Variants in IL26 observed in about 807,000 individuals in gnomAD.
IL26 encodes the protein interleukin 26.
A neutral mutation model predicts 21.7 loss-of-function variants in IL26; 23 were observed. The observed-to-expected ratio is 1.06, with a 90% CI of 0.76 to 1.50. The LOEUF is 1.50. Among genes scored for constraint, IL26 ranks in the 40% most tolerant of loss-of-function variants. The probability of loss-of-function intolerance (pLI) is 0.00; values close to 1 mark genes in which losing one functional copy is unlikely to be tolerated. For synonymous variants in IL26, 63 were observed against 67.8 expected (o/e 0.93, Z 0.34); for missense variants, 204 against 196.0 (o/e 1.04, Z -0.24).
intron 3 of IL26, among the ~76,000 whole-genome samples, chr12:68,206,664 G>A (rs1868552353): frequency 6.6e-6 from 1 of 152,184 alleles, no homozygotes; most frequent in African/African-American, 2.4e-5. Context: ...GACTGCATTT[G>A]CACAAAACAT....
chr12:68,207,680 T>C (rs1408639826), intron 3 of IL26, among the ~76,000 whole-genome samples: 1 of 152,196 alleles, frequency 6.6e-6, no homozygotes, highest in Non-Finnish European at 1.5e-5. Context: ...AGAAGCAGTT[T>C]CTACCAACCA....
intron 3 of IL26, among the ~76,000 whole-genome samples, chr12:68,206,160 A>C (rs1443045612): frequency 6.6e-6 from 1 of 152,210 alleles, no homozygotes; most frequent in Admixed American, 6.5e-5. Context: ...GCAGGAATTT[A>C]TTGTTTCAGG....
intron 3 of IL26, among the ~76,000 whole-genome samples, chr12:68,216,055 G>A (rs1868869253): frequency 6.6e-6 from 1 of 151,488 alleles, no homozygotes; most frequent in African/African-American, 2.4e-5. Flanking sequence ...CACTTTGGGA[G>A]GCTGAGGTGG....
At chr12:68,225,385 G>A (rs764112567) in intron 2 of IL26, 59 bp downstream of exon 2, 1 of 1,516,746 alleles carries the variant, frequency 6.6e-7, no homozygotes, top group Non-Finnish European at 9.0e-7. Flanking sequence ...TTTAAATGCA[G>A]GGGGAAATAA....
chr12:68,205,888 A>C (rs1470857686), intron 3 of IL26, among the ~76,000 whole-genome samples: 1 of 152,118 alleles, frequency 6.6e-6, no homozygotes, highest in African/African-American at 2.4e-5. Flanking sequence ...GTTTTCTGGG[A>C]TTGCTTCTTC....
intron 3 of IL26, among the ~76,000 whole-genome samples, chr12:68,224,775 GAGAA>G (rs1372791493): frequency 7.5e-6 from 1 of 133,912 alleles, no homozygotes; most frequent in South Asian, 2.4e-4. Context: ...GAGGAAGGGA[GAGAA>G]AGAGAGACTT....
At chr12:68,213,448 G>A (rs1217704281) in intron 3 of IL26, among the ~76,000 whole-genome samples, 5 of 151,902 alleles carry the variant, frequency 3.3e-5, no homozygotes, top group Admixed American at 3.3e-4. Context: ...GGGTAGAATT[G>A]GAATTAATTC....
chr12:68,202,137 C>T lies in IL26; in HGVS notation c.364-54G>A, dbSNP rs990810702. ...TATTGTTGAAGAGGCATTAATGATA[C>T]TCTTTCATTCATTCAACAAATATTT... is the stretch of plus-strand genomic sequence containing the variant. On this transcript the variant is annotated intron_variant, in intron 3 of 4. Coordinates refer to ENST00000229134, the MANE Select transcript of IL26 (RefSeq NM_018402.2). 1.2e-5 allele frequency: 13 copies of T among 1,117,418 alleles called. No individual in the cohort carries two copies. In the African/African-American group the frequency reaches 2.1e-4, roughly 18 times the overall value. The allele number at this position is 1,117,418 out of a possible 1,614,324, so 69.2% of individuals were successfully genotyped here.
intron 3 of IL26, among the ~76,000 whole-genome samples, chr12:68,223,563 G>T (rs1385809404): frequency 6.6e-6 from 1 of 152,172 alleles, no homozygotes. Flanking sequence ...GGATTTGGGG[G>T]TTCTGACCAG....
chr12:68,224,088 C>T (rs1869153428), intron 3 of IL26, among the ~76,000 whole-genome samples: 1 of 150,506 alleles, frequency 6.6e-6, no homozygotes. Context: ...ACCATGATGC[C>T]CAGGATGAAG....
At chr12:68,203,364 T>C (rs1239282036) in intron 3 of IL26, among the ~76,000 whole-genome samples, 2 of 152,230 alleles carry the variant, frequency 1.3e-5, no homozygotes, top group Non-Finnish European at 2.9e-5. Context: ...TTTTTACTCA[T>C]AAAACTTTTA....
At chr12:68,216,169 T>C (rs1448471260) in intron 3 of IL26, among the ~76,000 whole-genome samples, 1 of 151,828 alleles carries the variant, frequency 6.6e-6, no homozygotes, top group Non-Finnish European at 1.5e-5. Flanking sequence ...CACACGCCTG[T>C]AGTCCCAACT....
At chr12:68,210,583 T>C (rs1002542056) in intron 3 of IL26, among the ~76,000 whole-genome samples, 2 of 152,032 alleles carry the variant, frequency 1.3e-5, no homozygotes, top group African/African-American at 4.8e-5. Context: ...TAATCAGACA[T>C]TTAATTTTAA....
intron 3 of IL26, among the ~76,000 whole-genome samples, chr12:68,216,024 G>T (rs1868867954): frequency 6.6e-6 from 1 of 150,964 alleles, no homozygotes; most frequent in South Asian, 2.1e-4. Context: ...CAGGCGTGGT[G>T]GCTCACGCCT....
chr12:68,224,341 T>G (rs1230981059), intron 3 of IL26, among the ~76,000 whole-genome samples: 1 of 152,152 alleles, frequency 6.6e-6, no homozygotes, highest in African/African-American at 2.4e-5. Context: ...TTTTCTGCAC[T>G]GGTCTTTATT....
intron 3 of IL26, among the ~76,000 whole-genome samples, chr12:68,210,542 A>G (rs1260278516): frequency 6.6e-6 from 1 of 152,090 alleles, no homozygotes; most frequent in Non-Finnish European, 1.5e-5. Flanking sequence ...CTAAATTATT[A>G]GCCAAGTGTC....
At chr12:68,223,393 C>T (rs1392205186) in intron 3 of IL26, among the ~76,000 whole-genome samples, 1 of 152,190 alleles carries the variant, frequency 6.6e-6, no homozygotes, top group African/African-American at 2.4e-5. Flanking sequence ...TTTAGGAAAA[C>T]TTCACCAGAA....
chr12:68,222,055 T>C (rs1488896410), intron 3 of IL26, among the ~76,000 whole-genome samples: 1 of 152,248 alleles, frequency 6.6e-6, no homozygotes, highest in African/African-American at 2.4e-5. Context: ...AAAATGTCTT[T>C]GCAACTTTAG....
In IL26 at chr12:68,201,915, A is replaced by T; in HGVS notation, c.446T>A (p.Ile149Asn). Residue 149 changes from isoleucine to asparagine, a missense_variant, in exon 5 of 5, where the codon ATC becomes AAC. Coordinates refer to ENST00000229134, the MANE Select transcript of IL26 (RefSeq NM_018402.2). ...ATCCAGTTCACTGATGGCTTTGTAG[A>T]TTCCTTTGTTTCCAATCTGCAGATA... ...RIFYRIGNKG[I>N]YKAISELDIL... 2 of 1,601,088 alleles carry T rather than the reference A, an allele frequency of 1.2e-6. No homozygotes were observed. The highest frequency in any genetic ancestry group is 1.7e-6 in the Non-Finnish European group (2 of 1,176,030).
Sources: allele counts gnomAD v4.1 joint callset (sites outside exome capture counted in the v4.1 genomes callset), GRCh38; gene constraint gnomAD v4.1.1; transcripts MANE v1.5; gene names NCBI Gene and HGNC (gene_info 2026-07-23, HGNC 2026-07-21).